IL1RAPL1: variants seen among roughly 807,000 people sequenced by gnomAD.
IL1RAPL1 encodes the protein interleukin 1 receptor accessory protein like 1, also known as interleukin-1 receptor accessory protein-like 1.
A neutral mutation model predicts 48.4 loss-of-function variants in IL1RAPL1; 3 were observed. That is an observed-to-expected ratio of 0.06 (90% CI 0.03 to 0.16). The LOEUF (loss-of-function observed/expected upper bound fraction) is 0.16, where lower values mean the gene tolerates loss of function less well. Among genes scored for constraint, IL1RAPL1 ranks in the 10% least tolerant of loss-of-function variants. The pLI, the probability that IL1RAPL1 is intolerant of heterozygous loss-of-function variation, is 1.00. For missense variants in IL1RAPL1, 349 were observed against 530.6 expected (o/e 0.66, Z 3.36); for synonymous variants, 185 against 187.7 (o/e 0.99, Z 0.12).
At chrX:29,568,493 C>T (rs1922485578) in intron 5 of IL1RAPL1, among the ~76,000 whole-genome samples, 1 of 110,047 alleles carries the variant, frequency 9.1e-6, no homozygotes, top group Admixed American at 9.6e-5. Flanking sequence ...AAAAAAGTAG[C>T]GGATTTTATG....
rs112513538 is a variant in IL1RAPL1, at chrX:29,834,922, A to T, written c.779-82542A>T. Among the ~76,000 whole-genome samples the T allele has an allele frequency of 4.7e-4, 53 of 112,052 alleles. 1 individual carries two copies. The highest frequency in any genetic ancestry group is 4.7e-4 in the Non-Finnish European group (25 of 53,169). ...CACCAAGTCCATGTCTCAGAGCTGT[A>T]TATCAAAGTGGCAAACATAATAACA... On this transcript the variant is annotated intron_variant, in intron 6 of 10. Transcript: ENST00000378993.
At chrX:29,650,854 G>T (rs1320608300) in intron 5 of IL1RAPL1, among the ~76,000 whole-genome samples, 1 of 110,513 alleles carries the variant, frequency 9.0e-6, no homozygotes, top group African/African-American at 3.3e-5. Flanking sequence ...TAGAATGAAA[G>T]AAAATATTTG....
intron 2 of IL1RAPL1, among the ~76,000 whole-genome samples, chrX:28,952,138 C>T (rs977224637): frequency 4.3e-4 from 48 of 110,766 alleles, no homozygotes; most frequent in Non-Finnish European, 8.3e-4. Flanking sequence ...GTGAGACTAT[C>T]TATAAAAACA....
intron 2 of IL1RAPL1, among the ~76,000 whole-genome samples, chrX:29,021,215 G>GAAAAAAAAAA (rs746008500): frequency 1.4e-4 from 6 of 41,947 alleles, no homozygotes; most frequent in East Asian, 1.0e-3. Flanking sequence ...CCGTCTCAAG[G>GAAAAAAAAAA]AAAAAAAAAA....
intron 5 of IL1RAPL1, among the ~76,000 whole-genome samples, chrX:29,469,469 G>GA (rs1175683546): frequency 9.0e-6 from 1 of 111,368 alleles, no homozygotes; most frequent in Non-Finnish European, 1.9e-5. Context: ...TGTTATAAAA[G>GA]AAAAAAATAT....
intron 6 of IL1RAPL1, among the ~76,000 whole-genome samples, chrX:29,717,165 A>G: frequency 9.3e-6 from 1 of 107,966 alleles, no homozygotes; most frequent in South Asian, 4.1e-4. Flanking sequence ...AAAAATTTAC[A>G]AGTTTTATTT....
At chrX:29,350,191 T>TTATATATG (rs1203248525) in intron 3 of IL1RAPL1, among the ~76,000 whole-genome samples, 2 of 39,432 alleles carry the variant, frequency 5.1e-5, no homozygotes, top group African/African-American at 3.5e-4. Flanking sequence ...TACTGTTATT[T>TTATATATG]TATATATATA....
intron 3 of IL1RAPL1, among the ~76,000 whole-genome samples, chrX:29,336,444 C>T (rs1932998779): frequency 9.4e-6 from 1 of 106,329 alleles, no homozygotes; most frequent in South Asian, 4.2e-4. Context: ...TAAGGATATT[C>T]ACAAGAATAT....
chrX:29,168,035 T>C (rs1955114909), intron 2 of IL1RAPL1, among the ~76,000 whole-genome samples: 1 of 110,768 alleles, frequency 9.0e-6, no homozygotes, highest in Non-Finnish European at 1.9e-5. Context: ...TTTTAAAAAG[T>C]TTTCTACTTT....
At chrX:28,797,422 A>G (rs139206270) in intron 2 of IL1RAPL1, among the ~76,000 whole-genome samples, 69 of 111,442 alleles carry the variant, frequency 6.2e-4, no homozygotes, top group African/African-American at 1.8e-3. Flanking sequence ...CTTTAACAGC[A>G]CCCAAGTCAC....
chrX:29,310,143 A>C lies in IL1RAPL1; in HGVS notation c.362+26926A>C, dbSNP rs1202362070. ...AAAAAAAAAAAAGAAAGGAAAAAAA[A>C]AAAAACAAAAAAAGGGTAAGTCGGG... On this transcript the variant is annotated intron_variant, in intron 3 of 10. Coordinates refer to ENST00000378993, the MANE Select transcript of IL1RAPL1 (RefSeq NM_014271.4). Among the ~76,000 whole-genome samples, 29 of 99,799 alleles carry C rather than the reference A, an allele frequency of 2.9e-4. 1 individual carries two copies. The highest frequency in any genetic ancestry group is 1.1e-3 in the African/African-American group (29 of 25,834). 86.7% of individuals were successfully genotyped at this position (99,799 alleles called of 115,157 possible). A position where few individuals can be genotyped will look rare whatever the true frequency, so the allele number is the denominator to read the frequency against.
chrX:29,613,765 T>C (rs867152438), intron 5 of IL1RAPL1, among the ~76,000 whole-genome samples: 5 of 91,039 alleles, frequency 5.5e-5, no homozygotes, highest in Admixed American at 1.2e-4. Flanking sequence ...GTGTTTCTTT[T>C]TTTTTTTTTT....
chrX:29,806,222 C>G (rs1242187501), intron 6 of IL1RAPL1, among the ~76,000 whole-genome samples: 1 of 109,753 alleles, frequency 9.1e-6, no homozygotes, highest in Non-Finnish European at 1.9e-5. Flanking sequence ...CGTGCGTGCA[C>G]GCGTGCACAC....
intron 2 of IL1RAPL1, among the ~76,000 whole-genome samples, chrX:29,125,029 G>A (rs929428073): frequency 4.5e-5 from 5 of 112,353 alleles, no homozygotes; most frequent in African/African-American, 1.6e-4. Context: ...AGAGAAGACA[G>A]GGAAAGAGGA....
intron 6 of IL1RAPL1, among the ~76,000 whole-genome samples, chrX:29,804,291 G>A (rs1274496788): frequency 1.8e-5 from 2 of 110,992 alleles, no homozygotes; most frequent in Non-Finnish European, 3.8e-5. Context: ...CGGAGAGGTG[G>A]GTCAGGGAAA....
chrX:28,659,514 A>G (rs1188643263), intron 1 of IL1RAPL1: 35 of 464,912 alleles, frequency 7.5e-5, no homozygotes, highest in Non-Finnish European at 1.2e-4. Context: ...CTTCGGCTGG[A>G]GCTCGGCGAG....
chrX:29,803,178 T>C (rs139069065), intron 6 of IL1RAPL1, among the ~76,000 whole-genome samples: 4,131 of 43,275 alleles, frequency 0.095, 250 homozygotes, highest in Middle Eastern at 0.22. Context: ...TATGCATACA[T>C]ATATGTATAT....
chrX:29,523,202 A>G (rs1386358043), intron 5 of IL1RAPL1, among the ~76,000 whole-genome samples: 4 of 111,737 alleles, frequency 3.6e-5, no homozygotes, highest in Non-Finnish European at 5.6e-5. Flanking sequence ...TTAATATGCT[A>G]TAGTCTCCTG....
chrX:29,413,673 T>C (rs768933957), intron 5 of IL1RAPL1, among the ~76,000 whole-genome samples: 53 of 110,100 alleles, frequency 4.8e-4, no homozygotes, highest in Non-Finnish European at 8.9e-4. Context: ...GTCCCTATAA[T>C]ATTTATAATA....
Sources: gnomAD v4.1 joint callset for allele counts (sites outside exome capture counted in the v4.1 genomes callset) on GRCh38, gnomAD v4.1.1 for gene constraint, MANE v1.5 for transcripts, NCBI Gene and HGNC (gene_info 2026-07-23, HGNC 2026-07-21) for gene names.